The following KCNT2 variants were observed in gnomAD, a reference collection of about 807,000 sequenced individuals.
KCNT2 encodes the protein potassium channel subfamily T member 2.
A neutral mutation model predicts 153.8 loss-of-function variants in KCNT2; 67 were observed. The ratio of observed to expected loss-of-function variants is 0.44; its 90% confidence interval spans 0.36 to 0.53. KCNT2 has a LOEUF of 0.53. Among genes scored for constraint, KCNT2 ranks in the 20% least tolerant of loss-of-function variants. The probability of loss-of-function intolerance (pLI) is 0.00; values close to 1 mark genes in which losing one functional copy is unlikely to be tolerated. For missense variants in KCNT2, 975 were observed against 1,354.8 expected (o/e 0.72, Z 4.40); for synonymous variants, 500 against 458.8 (o/e 1.09, Z -1.15).
At chr1:196,239,152 A>T (rs1006615074) in intron 26 of KCNT2, among the ~76,000 whole-genome samples, 7 of 151,910 alleles carry the variant, frequency 4.6e-5, no homozygotes, top group Admixed American at 4.6e-4. Context: ...TGAACAACAG[A>T]ATCTATTTCT....
At chr1:196,581,268 CATG>C (rs911631946) in intron 1 of KCNT2, among the ~76,000 whole-genome samples, 2 of 151,910 alleles carry the variant, frequency 1.3e-5, no homozygotes, top group Non-Finnish European at 2.9e-5. Context: ...ATTATTCTTA[CATG>C]ATACTTGAGG....
At chr1:196,587,157 T>C (rs563436041) in intron 1 of KCNT2, among the ~76,000 whole-genome samples, 2 of 152,004 alleles carry the variant, frequency 1.3e-5, no homozygotes, top group African/African-American at 4.8e-5. Context: ...TTTTTCCAAA[T>C]CCTAAAAAAT....
At chr1:196,396,133 G>A (rs980482837) in intron 13 of KCNT2, among the ~76,000 whole-genome samples, 13 of 151,568 alleles carry the variant, frequency 8.6e-5, no homozygotes, top group African/African-American at 7.3e-5. Flanking sequence ...GGACAGGTGA[G>A]GTGCTGGTAT....
At chr1:196,313,277 C>T (rs75205308) in intron 21 of KCNT2, among the ~76,000 whole-genome samples, 3 of 151,658 alleles carry the variant, frequency 2.0e-5, no homozygotes, top group Non-Finnish European at 3.0e-5. Context: ...TAGCACTACT[C>T]AGAGTGTTGA....
At chr1:196,528,403 G>GA (rs1489156751) in intron 1 of KCNT2, among the ~76,000 whole-genome samples, 1 of 151,984 alleles carries the variant, frequency 6.6e-6, no homozygotes, top group Non-Finnish European at 1.5e-5. Context: ...CATTTCCATT[G>GA]AAAAAATAAA....
chr1:196,468,964 G>A, intron 6 of KCNT2, 30 bp downstream of exon 6: 1 of 1,317,872 alleles, frequency 7.6e-7, no homozygotes, highest in Non-Finnish European at 1.1e-6. Context: ...AATTACAAAA[G>A]TGTTTTTTTA....
intron 21 of KCNT2, among the ~76,000 whole-genome samples, chr1:196,310,516 T>C (rs916840796): frequency 5.9e-5 from 9 of 151,964 alleles, no homozygotes; most frequent in Non-Finnish European, 1.0e-4. Flanking sequence ...TATAAAGATA[T>C]CAATCTTGTA....
chr1:196,350,275 T>C (rs1022687750), intron 14 of KCNT2, among the ~76,000 whole-genome samples: 3 of 152,142 alleles, frequency 2.0e-5, no homozygotes, highest in Admixed American at 6.6e-5. Context: ...CCCTGAGGAA[T>C]TGCCACACTG....
intron 5 of KCNT2, among the ~76,000 whole-genome samples, chr1:196,478,424 C>T (rs916560851): frequency 1.3e-5 from 2 of 152,124 alleles, no homozygotes; most frequent in Admixed American, 1.3e-4. Flanking sequence ...ATACAATGCC[C>T]CCATGTTCTA....
chr1:196,326,248 A>G (rs1663836822), intron 19 of KCNT2, among the ~76,000 whole-genome samples: 1 of 152,136 alleles, frequency 6.6e-6, no homozygotes, highest in Admixed American at 6.6e-5. Context: ...CATAGAATGT[A>G]TGGTTTAACA....
intron 12 of KCNT2, among the ~76,000 whole-genome samples, chr1:196,408,558 C>A (rs1213725385): frequency 6.6e-6 from 1 of 151,536 alleles, no homozygotes; most frequent in Non-Finnish European, 1.5e-5. Context: ...ATAAATTTCT[C>A]TTCAGATGCT....
intron 1 of KCNT2, among the ~76,000 whole-genome samples, chr1:196,559,291 C>A (rs893008345): frequency 1.3e-5 from 2 of 151,552 alleles, no homozygotes; most frequent in Non-Finnish European, 3.0e-5. Context: ...ATAAAAAACA[C>A]CATATTTCCC....
At chr1:196,575,465 G>A (rs964701487) in intron 1 of KCNT2, among the ~76,000 whole-genome samples, 12 of 151,922 alleles carry the variant, frequency 7.9e-5, no homozygotes, top group African/African-American at 2.4e-4. Context: ...AACGTCTAAT[G>A]GGAAAACATT....
intron 1 of KCNT2, among the ~76,000 whole-genome samples, chr1:196,593,295 A>AATATATATAT (rs200795914): frequency 9.2e-4 from 119 of 128,810 alleles, no homozygotes; most frequent in Middle Eastern, 3.9e-3. Flanking sequence ...TCATATATAT[A>AATATATATAT]ATATATATAT....
intron 6 of KCNT2, 124 bp from the exon 7 acceptor site, chr1:196,467,910 A>C: frequency 2.1e-6 from 1 of 485,090 alleles, no homozygotes; most frequent in Non-Finnish European, 3.8e-6. Context: ...TATGACAAAT[A>C]ATGTAAACTC....
intron 25 of KCNT2, chr1:196,273,418 T>TTAA: frequency 1.6e-6 from 2 of 1,267,788 alleles, no homozygotes; most frequent in Non-Finnish European, 1.1e-6. Context: ...TAGCTCTGAA[T>TTAA]TAATATATTA....
intron 26 of KCNT2, among the ~76,000 whole-genome samples, chr1:196,243,712 C>G (rs548123320): frequency 7.9e-5 from 12 of 152,326 alleles, no homozygotes; most frequent in African/African-American, 2.9e-4. Flanking sequence ...CAAGCCTTGT[C>G]ACTGTGGGCT....
intron 4 of KCNT2, 53 bp downstream of exon 4, chr1:196,482,278 G>T: frequency 8.7e-7 from 1 of 1,152,576 alleles, no homozygotes; most frequent in Non-Finnish European, 1.3e-6. Context: ...GTACTTCTCT[G>T]TGAAATGTGA....
At chr1:196,535,732 G>A (rs973261609) in intron 1 of KCNT2, among the ~76,000 whole-genome samples, 10 of 152,150 alleles carry the variant, frequency 6.6e-5, no homozygotes, top group African/African-American at 2.2e-4. Flanking sequence ...AGCATGAGCC[G>A]GCCTGTACGC....
Sources: gnomAD v4.1 joint callset for allele counts (sites outside exome capture counted in the v4.1 genomes callset) on GRCh38, gnomAD v4.1.1 for gene constraint, MANE v1.5 for transcripts, NCBI Gene and HGNC (gene_info 2026-07-23, HGNC 2026-07-21) for gene names.